The following PRELID2 variants were observed in gnomAD, a reference collection of about 807,000 sequenced individuals.
The protein encoded by PRELID2 is PRELI domain containing 2, also known as PRELI domain-containing protein 2.
PRELID2 carries 25 observed loss-of-function variants against 28.4 expected under a neutral mutation model. The observed-to-expected ratio is 0.88, with a 90% CI of 0.64 to 1.23. The LOEUF (loss-of-function observed/expected upper bound fraction) is 1.23. PRELID2 is among the 50% of genes most tolerant of loss of function. The pLI is 0.00. For synonymous variants in PRELID2, 76 were observed against 71.6 expected (o/e 1.06, Z -0.31); for missense variants, 201 against 214.4 (o/e 0.94, Z 0.39).
At chr5:145,600,432 A>AT (rs1339137784) in intron 1 of PRELID2, among the ~76,000 whole-genome samples, 2,267 of 127,394 alleles carry the variant, frequency 0.018, 31 homozygotes, top group Non-Finnish European at 0.021. Flanking sequence ...AAAAAAAAAA[A>AT]AAATATATAT....
chr5:145,781,824 T>G (rs1195829017), intron 5 of PRELID2, among the ~76,000 whole-genome samples: 4 of 150,602 alleles, frequency 2.7e-5, no homozygotes, highest in African/African-American at 9.7e-5. Context: ...GTTTTTGGTA[T>G]TTCAATGCAG....
chr5:145,368,293 C>A, the PRELID2 span, among the ~76,000 whole-genome samples: 54 of 151,978 alleles, frequency 3.6e-4, 1 homozygote, highest in African/African-American at 1.3e-3. Context: ...TCTAAAGCCA[C>A]CAATTTTTCT....
the PRELID2 span, among the ~76,000 whole-genome samples, chr5:145,419,082 G>A: frequency 6.6e-6 from 1 of 150,564 alleles, no homozygotes; most frequent in East Asian, 2.0e-4. Context: ...TGGCTGCATA[G>A]TATTCCATGG....
At chr5:145,656,579 A>G (rs1276206966) in intron 1 of PRELID2, among the ~76,000 whole-genome samples, 3 of 152,136 alleles carry the variant, frequency 2.0e-5, no homozygotes, top group Admixed American at 6.6e-5. Flanking sequence ...GCCATAAAAA[A>G]TCATGAGTTC....
At chr5:145,614,138 G>C (rs1191028679) in intron 1 of PRELID2, among the ~76,000 whole-genome samples, 1 of 152,062 alleles carries the variant, frequency 6.6e-6, no homozygotes, top group Non-Finnish European at 1.5e-5. Flanking sequence ...TAAGTATTTG[G>C]GTTTATTTCT....
the PRELID2 span, among the ~76,000 whole-genome samples, chr5:145,272,004 C>G: frequency 1.3e-5 from 2 of 152,100 alleles, no homozygotes; most frequent in African/African-American, 4.8e-5. Flanking sequence ...TGGCTTTCTT[C>G]TCTGTGGATT....
chr5:145,579,089 TAGG>T (rs1753086071), intron 1 of PRELID2, among the ~76,000 whole-genome samples: 1 of 152,020 alleles, frequency 6.6e-6, no homozygotes, highest in Admixed American at 6.6e-5. Flanking sequence ...ACTTGTAAAA[TAGG>T]AGAATACTCT....
At chr5:145,353,767 C>T in the PRELID2 span, among the ~76,000 whole-genome samples, 1 of 152,080 alleles carries the variant, frequency 6.6e-6, no homozygotes, top group Non-Finnish European at 1.5e-5. Flanking sequence ...TCCTGTGACA[C>T]ATGGGGATTA....
At chr5:145,569,356 G>A (rs28584959) in intron 1 of PRELID2, among the ~76,000 whole-genome samples, 12,645 of 152,098 alleles carry the variant, frequency 0.083, 1,347 homozygotes, top group African/African-American at 0.25. Context: ...ATGTCTGGGT[G>A]GATCCAGCCC....
chr5:145,319,257 G>T, the PRELID2 span, among the ~76,000 whole-genome samples: 3 of 152,126 alleles, frequency 2.0e-5, no homozygotes, highest in African/African-American at 7.2e-5. Flanking sequence ...CCTGCTTCCT[G>T]TCCATATCAC....
intron 1 of PRELID2, among the ~76,000 whole-genome samples, chr5:145,566,875 G>A (rs1188966126): frequency 1.3e-5 from 2 of 149,770 alleles, no homozygotes; most frequent in Non-Finnish European, 3.0e-5. Flanking sequence ...GCAAGAGAAA[G>A]AGAAAGAAAA....
the PRELID2 span, among the ~76,000 whole-genome samples, chr5:145,235,728 A>T: frequency 6.6e-6 from 1 of 152,138 alleles, no homozygotes; most frequent in Non-Finnish European, 1.5e-5. Context: ...ATGTGTGTAC[A>T]TAGGATAAGA....
At chr5:145,394,254 A>T in the PRELID2 span, among the ~76,000 whole-genome samples, 1 of 152,014 alleles carries the variant, frequency 6.6e-6, no homozygotes, top group African/African-American at 2.4e-5. Context: ...TGCAGCCATA[A>T]AAAAATGATG....
In PRELID2 at chr5:145,819,925, A is replaced by T; in HGVS notation, c.207+20T>A. The T allele has an allele frequency of 6.9e-7, 1 of 1,451,788 alleles. No homozygotes were observed. The highest frequency in any genetic ancestry group is 9.6e-7 in the Non-Finnish European group (1 of 1,039,824). 89.9% of individuals were successfully genotyped at this position (1,451,788 alleles called of 1,614,324 possible). ...ATTACTCAATGTTACAACTGTGATT[A>T]CATTTTAAAATGAACTTACCTTCCT... On this transcript the variant is annotated intron_variant, in intron 3 of 6. Transcript: ENST00000683046.
the PRELID2 span, among the ~76,000 whole-genome samples, chr5:145,441,522 A>G: frequency 6.6e-6 from 1 of 152,108 alleles, no homozygotes; most frequent in African/African-American, 2.4e-5. Flanking sequence ...TATCATCACC[A>G]TTGTCATCAT....
the PRELID2 span, among the ~76,000 whole-genome samples, chr5:145,399,305 T>C: frequency 6.6e-6 from 1 of 152,110 alleles, no homozygotes; most frequent in Admixed American, 6.6e-5. Flanking sequence ...CCACTCCTGG[T>C]TAAGAAGGTG....
intron 5 of PRELID2, chr5:145,795,874 G>A (rs1752711016): frequency 6.6e-6 from 1 of 152,166 alleles, no homozygotes; most frequent in African/African-American, 2.4e-5. Flanking sequence ...TTAAAATAGA[G>A]CACACAGGAC....
intron 1 of PRELID2, among the ~76,000 whole-genome samples, chr5:145,673,728 G>A (rs1223077235): frequency 6.6e-6 from 1 of 151,866 alleles, no homozygotes; most frequent in Non-Finnish European, 1.5e-5. Flanking sequence ...AAGATTAAAA[G>A]TAAAAAATGG....
chr5:145,490,338 C>T (rs927241616), intron 1 of PRELID2, among the ~76,000 whole-genome samples: 2 of 152,174 alleles, frequency 1.3e-5, no homozygotes, highest in Admixed American at 6.6e-5. Flanking sequence ...AACACACAAA[C>T]ACACCTGTGT....
Sources: allele counts gnomAD v4.1 joint callset (sites outside exome capture counted in the v4.1 genomes callset), GRCh38; gene constraint gnomAD v4.1.1; transcripts MANE v1.5; gene names NCBI Gene and HGNC (gene_info 2026-07-23, HGNC 2026-07-21).